The following SDK1 variants were observed in gnomAD, a reference collection of about 807,000 sequenced individuals.
The protein encoded by SDK1 is protein sidekick-1.
A neutral mutation model predicts 245.5 loss-of-function variants in SDK1; 157 were observed. The ratio of observed to expected loss-of-function variants is 0.64; its 90% CI spans 0.56 to 0.73. SDK1 has a LOEUF of 0.73. Ranked by LOEUF, SDK1 falls within the 30% of genes least tolerant of loss-of-function variation. The pLI is 0.00. For missense variants in SDK1, 3,583 were observed against 3,002.3 expected, an observed-to-expected ratio of 1.19 and a Z score of -4.52; for synonymous variants, 1,647 against 1,278.5, an observed-to-expected ratio of 1.29 and a Z score of -6.15.
At chr7:4,177,092 T>G (rs1782261619) in intron 34 of SDK1, among the ~76,000 whole-genome samples, 1 of 151,958 alleles carries the variant, frequency 6.6e-6, no homozygotes, top group Non-Finnish European at 1.5e-5. Context: ...GGGGTGGGAG[T>G]GATTTGCAGG....
chr7:3,448,418 T>C (rs968163937), intron 1 of SDK1, among the ~76,000 whole-genome samples: 2 of 152,188 alleles, frequency 1.3e-5, no homozygotes, highest in East Asian at 3.9e-4. Context: ...TGGTTATTTA[T>C]TTTGGAAGTT....
chr7:3,699,694 G>C (rs964941484), intron 4 of SDK1, among the ~76,000 whole-genome samples: 1 of 152,138 alleles, frequency 6.6e-6, no homozygotes, highest in Non-Finnish European at 1.5e-5. Flanking sequence ...AAGAAGAAGA[G>C]AAAGAGGGTA....
At chr7:3,759,869 A>G (rs990814314) in intron 4 of SDK1, among the ~76,000 whole-genome samples, 8 of 152,170 alleles carry the variant, frequency 5.3e-5, no homozygotes, top group Non-Finnish European at 8.8e-5. Flanking sequence ...CTGGGATTAC[A>G]GGTGTGAGCC....
At chr7:3,823,369 T>C (rs962077182) in intron 5 of SDK1, among the ~76,000 whole-genome samples, 1 of 152,198 alleles carries the variant, frequency 6.6e-6, no homozygotes, top group Non-Finnish European at 1.5e-5. Context: ...GGTGAAATTC[T>C]GCATCAGAAA....
At chr7:3,930,552 A>G (rs1325458931) in intron 5 of SDK1, among the ~76,000 whole-genome samples, 1 of 152,236 alleles carries the variant, frequency 6.6e-6, no homozygotes, top group Non-Finnish European at 1.5e-5. Flanking sequence ...TGTGGTTTCC[A>G]GTGCTCAGAG....
At chr7:3,950,160 T>G (rs946429754) in intron 5 of SDK1, among the ~76,000 whole-genome samples, 1 of 152,210 alleles carries the variant, frequency 6.6e-6, no homozygotes, top group African/African-American at 2.4e-5. Flanking sequence ...TAAGGCCCGG[T>G]AACCATGCCC....
intron 35 of SDK1, among the ~76,000 whole-genome samples, chr7:4,187,396 C>T (rs1317818315): frequency 2.6e-5 from 4 of 152,342 alleles, no homozygotes; most frequent in Middle Eastern, 6.8e-3. Context: ...ACGCTAGAAG[C>T]AGAACTTCTG....
At chr7:3,707,626 G>T (rs1261975093) in intron 4 of SDK1, among the ~76,000 whole-genome samples, 1 of 152,112 alleles carries the variant, frequency 6.6e-6, no homozygotes, top group East Asian at 1.9e-4. Context: ...TTGATTGTCT[G>T]TCTGGTGCTG....
At position 4,127,406 on chromosome 7, in the gene SDK1, G is replaced by C; in HGVS notation, c.3849G>C (p.Val1283=). Residue 1283 remains valine, a synonymous_variant, in exon 26 of 45, where the codon GTG becomes GTC. Transcript: ENST00000404826. ...ESVPSAAPEN[V]SAEAVSSTQI... is the part of the protein sequence containing the mutation. Reference sequence around the variant, plus strand: ...TTCCTTCAGCCGCCCCTGAGAACGTGTCAGCCGAGGCTGTCAGCTCGACCC... The same window carrying C: ...TTCCTTCAGCCGCCCCTGAGAACGTCTCAGCCGAGGCTGTCAGCTCGACCC... 6.2e-7 allele frequency: 1 copy of C among 1,614,216 alleles called. No homozygotes were observed. Among genetic ancestry groups the C allele is most frequent in the Non-Finnish European group, 8.5e-7 (1 of 1,180,022 alleles).
intron 4 of SDK1, among the ~76,000 whole-genome samples, chr7:3,669,017 A>G (rs1377361495): frequency 6.6e-6 from 1 of 152,212 alleles, no homozygotes; most frequent in South Asian, 2.1e-4. Flanking sequence ...AATTGGCCAC[A>G]TAAGGGCTCA....
intron 1 of SDK1, among the ~76,000 whole-genome samples, chr7:3,588,998 G>C (rs1780775170): frequency 6.6e-6 from 1 of 152,218 alleles, no homozygotes; most frequent in South Asian, 2.1e-4. Context: ...CAGTGAATCA[G>C]ATGTGGGGAC....
intron 5 of SDK1, among the ~76,000 whole-genome samples, chr7:3,919,435 C>A (rs1779509224): frequency 6.6e-6 from 1 of 152,228 alleles, no homozygotes; most frequent in Non-Finnish European, 1.5e-5. Flanking sequence ...CTGCCCTACA[C>A]CCGTCAAGTG....
intron 1 of SDK1, among the ~76,000 whole-genome samples, chr7:3,355,823 G>T (rs1363299817): frequency 6.6e-6 from 1 of 152,172 alleles, no homozygotes; most frequent in Non-Finnish European, 1.5e-5. Context: ...CTTACCTTCA[G>T]ATGTTGAGAG....
intron 20 of SDK1, among the ~76,000 whole-genome samples, chr7:4,070,244 C>A (rs1780162920): frequency 6.6e-6 from 1 of 152,246 alleles, no homozygotes; most frequent in African/African-American, 2.4e-5. Context: ...GGACTGCCCA[C>A]CTTCTCAGAC....
chr7:3,566,264 G>C (rs1336234297), intron 1 of SDK1, among the ~76,000 whole-genome samples: 2 of 133,148 alleles, frequency 1.5e-5, no homozygotes, highest in Admixed American at 1.7e-4. Flanking sequence ...TCGCTCTGTC[G>C]CCCAGGCTGG....
chr7:3,931,210 A>C (rs1012199257), intron 5 of SDK1, among the ~76,000 whole-genome samples: 2 of 152,214 alleles, frequency 1.3e-5, no homozygotes, highest in Non-Finnish European at 2.9e-5. Flanking sequence ...TCTTAAGTAA[A>C]ACCAGAGCTT....
intron 1 of SDK1, among the ~76,000 whole-genome samples, chr7:3,536,275 C>G (rs1778885592): frequency 6.6e-6 from 1 of 151,902 alleles, no homozygotes; most frequent in South Asian, 2.1e-4. Flanking sequence ...ACCATGTTAG[C>G]CAGGATGGTC....
chr7:3,936,560 G>A (rs1168558355), intron 5 of SDK1, among the ~76,000 whole-genome samples: 1 of 149,880 alleles, frequency 6.7e-6, no homozygotes, highest in Non-Finnish European at 1.5e-5. Context: ...ACTCCAGCCT[G>A]TGTGACAGAG....
chr7:3,484,291 A>AT (rs947200664), intron 1 of SDK1, among the ~76,000 whole-genome samples: 2 of 151,916 alleles, frequency 1.3e-5, no homozygotes, highest in Admixed American at 1.3e-4. Flanking sequence ...GTATACACAC[A>AT]TTTTTTTTCA....
Sources: gnomAD v4.1 joint callset for allele counts (sites outside exome capture counted in the v4.1 genomes callset) on GRCh38, gnomAD v4.1.1 for gene constraint, MANE v1.5 for transcripts, NCBI Gene and HGNC (gene_info 2026-07-23, HGNC 2026-07-21) for gene names.